Variants in LMO7 observed in about 807,000 individuals in gnomAD.
The protein encoded by LMO7 is LIM domain only protein 7.
A neutral mutation model predicts 206.5 loss-of-function variants in LMO7; 120 were observed. The observed-to-expected ratio is 0.58, with a 90% CI of 0.50 to 0.68. The LOEUF is 0.68. Among genes scored for constraint, LMO7 ranks in the 30% least tolerant of loss-of-function variants. The pLI is 0.00. For synonymous variants in LMO7, 706 were observed against 681.5 expected, an observed-to-expected ratio of 1.04 and a Z score of -0.56; for missense variants, 1,959 against 1,957.9, an observed-to-expected ratio of 1.00 and a Z score of -0.01.
At chr13:75,778,853 G>C (rs981866868) in intron 4 of LMO7, among the ~76,000 whole-genome samples, 2 of 152,010 alleles carry the variant, frequency 1.3e-5, no homozygotes, top group Non-Finnish European at 2.9e-5. Context: ...TTACCTGCAG[G>C]GCTCATTAAA....
chr13:75,842,758 C>A, intron 24 of LMO7, 93 bp from the exon 25 acceptor site: 1 of 759,976 alleles, frequency 1.3e-6, no homozygotes, highest in Non-Finnish European at 2.3e-6. Flanking sequence ...CATAAAGAGG[C>A]TAGAATGACA....
At chr13:75,753,396 C>T (rs934299958) in intron 3 of LMO7, among the ~76,000 whole-genome samples, 6 of 152,148 alleles carry the variant, frequency 3.9e-5, no homozygotes, top group African/African-American at 1.4e-4. Context: ...TTTTGCTGTG[C>T]AGAAGCCTTT....
chr13:75,713,139 A>T, intron 1 of LMO7, 43 bp from the exon 2 acceptor site: 1 of 1,427,914 alleles, frequency 7.0e-7, no homozygotes, highest in Admixed American at 1.8e-5. Context: ...CTTGTGTGCT[A>T]TCCCTGCTTA....
At chr13:75,758,194 T>C (rs559130846) in intron 3 of LMO7, among the ~76,000 whole-genome samples, 2 of 152,310 alleles carry the variant, frequency 1.3e-5, no homozygotes, top group East Asian at 3.9e-4. Flanking sequence ...TATTTTCCCT[T>C]TTATTTTTGC....
intron 28 of LMO7, among the ~76,000 whole-genome samples, chr13:75,854,725 G>A (rs1424216448): frequency 1.3e-5 from 2 of 152,150 alleles, no homozygotes; most frequent in Non-Finnish European, 2.9e-5. Flanking sequence ...GTAAGTCAGA[G>A]GCACAGTCAG....
At chr13:75,710,198 A>G (rs1031336848) in intron 1 of LMO7, among the ~76,000 whole-genome samples, 5 of 152,080 alleles carry the variant, frequency 3.3e-5, no homozygotes, top group Admixed American at 1.3e-4. Context: ...TTTGGTTACT[A>G]TAGCCTTGTA....
At chr13:75,752,085 TC>T (rs2047315629) in intron 3 of LMO7, among the ~76,000 whole-genome samples, 1 of 114,460 alleles carries the variant, frequency 8.7e-6, no homozygotes, top group Admixed American at 1.3e-4. Context: ...TAAATTAGAC[TC>T]TCTCTCTATA....
intron 4 of LMO7, among the ~76,000 whole-genome samples, chr13:75,786,541 AT>A (rs902277705): frequency 6.0e-5 from 9 of 150,850 alleles, no homozygotes; most frequent in African/African-American, 1.2e-4. Context: ...CGCCTGGCTA[AT>A]TTTTTTTTGT....
At chr13:75,711,513 TG>T (rs1359373000) in intron 1 of LMO7, among the ~76,000 whole-genome samples, 2 of 152,214 alleles carry the variant, frequency 1.3e-5, no homozygotes, top group African/African-American at 4.8e-5. Flanking sequence ...CAATGCCGTC[TG>T]TCACCCCTGT....
intron 1 of LMO7, among the ~76,000 whole-genome samples, chr13:75,647,889 G>A (rs2037175108): frequency 6.6e-6 from 1 of 151,486 alleles, no homozygotes; most frequent in Non-Finnish European, 1.5e-5. Flanking sequence ...GAAGGGAAAA[G>A]GGAAGCTGAA....
chr13:75,767,154 A>G (rs2049010993), intron 4 of LMO7, among the ~76,000 whole-genome samples: 1 of 152,122 alleles, frequency 6.6e-6, no homozygotes. Flanking sequence ...GGTAGTTCAA[A>G]GTTTTAATAA....
chr13:75,663,151 C>T (rs1050491979), intron 1 of LMO7, among the ~76,000 whole-genome samples: 1 of 151,680 alleles, frequency 6.6e-6, no homozygotes, highest in Non-Finnish European at 1.5e-5. Context: ...AAATCTCTCT[C>T]TCTATAAAAC....
intron 25 of LMO7, among the ~76,000 whole-genome samples, chr13:75,844,407 G>GTTTTTTT (rs1055037693): frequency 6.8e-6 from 1 of 147,512 alleles, no homozygotes; most frequent in African/African-American, 2.5e-5. Flanking sequence ...TTTTTCTTTT[G>GTTTTTTT]TTTTTTTCTT....
At chr13:75,832,742 A>T (rs915901032) in intron 15 of LMO7, among the ~76,000 whole-genome samples, 14 of 152,172 alleles carry the variant, frequency 9.2e-5, no homozygotes, top group African/African-American at 3.4e-4. Context: ...CTGGCCTATA[A>T]GTTAGACCCA....
chr13:75,756,838 G>A (rs2047716742), intron 3 of LMO7, among the ~76,000 whole-genome samples: 1 of 152,186 alleles, frequency 6.6e-6, no homozygotes, highest in Admixed American at 6.6e-5. Context: ...TGGACTTTGA[G>A]TTCACCTTGT....
intron 7 of LMO7, among the ~76,000 whole-genome samples, chr13:75,803,434 C>T (rs1211376985): frequency 1.3e-5 from 2 of 152,160 alleles, no homozygotes; most frequent in Non-Finnish European, 2.9e-5. Flanking sequence ...TACAAGTGCA[C>T]AGGAGGCAGG....
intron 4 of LMO7, among the ~76,000 whole-genome samples, chr13:75,768,638 G>A (rs2049220365): frequency 6.6e-6 from 1 of 152,046 alleles, no homozygotes; most frequent in Non-Finnish European, 1.5e-5. Flanking sequence ...TTGTTTGTGA[G>A]TTTATTTTTA....
At chr13:75,842,478 C>G (rs1025746144) in intron 24 of LMO7, among the ~76,000 whole-genome samples, 5 of 152,166 alleles carry the variant, frequency 3.3e-5, no homozygotes, top group Non-Finnish European at 7.4e-5. Flanking sequence ...CACTCTTTCT[C>G]TCTGTATACT....
intron 1 of LMO7, among the ~76,000 whole-genome samples, chr13:75,659,410 A>G (rs917004672): frequency 1.9e-4 from 29 of 152,224 alleles, no homozygotes; most frequent in Admixed American, 1.3e-4. Context: ...AACATACCCG[A>G]GACTGGGAAG....
Sources: allele counts gnomAD v4.1 joint callset (sites outside exome capture counted in the v4.1 genomes callset), GRCh38; gene constraint gnomAD v4.1.1; transcripts MANE v1.5; gene names NCBI Gene and HGNC (gene_info 2026-07-23, HGNC 2026-07-21).